ADAMTSL1: variants seen among roughly 807,000 people sequenced by gnomAD.
The protein encoded by ADAMTSL1 is ADAMTS-like protein 1.
ADAMTSL1 carries 126 observed loss-of-function variants against 201.8 expected under a neutral mutation model. The observed-to-expected ratio is 0.62, with a 90% CI of 0.54 to 0.72. ADAMTSL1 has a LOEUF of 0.72. ADAMTSL1 is among the 30% of genes least tolerant of loss of function. The pLI is 0.00. For missense variants in ADAMTSL1, 2,679 were observed against 2,277.8 expected, an observed-to-expected ratio of 1.18 and a Z score of -3.59; for synonymous variants, 1,121 against 903.4, an observed-to-expected ratio of 1.24 and a Z score of -4.32.
chr9:18,409,026 G>C (rs1818318653), intron 2 of ADAMTSL1, among the ~76,000 whole-genome samples: 1 of 152,154 alleles, frequency 6.6e-6, no homozygotes, highest in East Asian at 1.9e-4. Flanking sequence ...TAAGATCATG[G>C]AAATTAGAAC....
At chr9:18,075,331 G>C (rs1406799448) in intron 1 of ADAMTSL1, among the ~76,000 whole-genome samples, 1 of 152,204 alleles carries the variant, frequency 6.6e-6, no homozygotes, top group East Asian at 1.9e-4. Flanking sequence ...AAGTGAAGTA[G>C]AAGTGAGGTC....
intron 1 of ADAMTSL1, among the ~76,000 whole-genome samples, chr9:17,914,701 G>T (rs1256375240): frequency 1.3e-5 from 2 of 151,854 alleles, no homozygotes; most frequent in Non-Finnish European, 2.9e-5. Flanking sequence ...GAAATAAACG[G>T]TATTCAATTA....
intron 1 of ADAMTSL1, among the ~76,000 whole-genome samples, chr9:18,070,583 G>A (rs1170652014): frequency 6.6e-6 from 1 of 152,280 alleles, no homozygotes; most frequent in East Asian, 1.9e-4. Flanking sequence ...ATTTTAAGAA[G>A]GGAAAGATTT....
chr9:17,960,497 C>CCA (rs1817703408), intron 1 of ADAMTSL1, among the ~76,000 whole-genome samples: 1 of 152,178 alleles, frequency 6.6e-6, no homozygotes, highest in Non-Finnish European at 1.5e-5. Context: ...CAAACTCCAC[C>CCA]ATTGACTGTG....
At chr9:18,597,421 A>ATATGCT (rs1824341812) in intron 4 of ADAMTSL1, among the ~76,000 whole-genome samples, 1 of 152,180 alleles carries the variant, frequency 6.6e-6, no homozygotes, top group African/African-American at 2.4e-5. Context: ...TCTATTATTA[A>ATATGCT]TATGCTTATC....
At chr9:18,453,925 A>G (rs1394236606) in intron 2 of ADAMTSL1, among the ~76,000 whole-genome samples, 1 of 152,196 alleles carries the variant, frequency 6.6e-6, no homozygotes, top group Admixed American at 6.5e-5. Context: ...TCATTCTTAT[A>G]ATTATCTTCC....
At chr9:18,217,422 G>C (rs934194975) in intron 2 of ADAMTSL1, among the ~76,000 whole-genome samples, 43 of 151,960 alleles carry the variant, frequency 2.8e-4, no homozygotes, top group African/African-American at 1.0e-3. Context: ...CCCCTCCCCA[G>C]CTTTATTCCT....
chr9:17,930,805 A>G (rs1178946587), intron 1 of ADAMTSL1, among the ~76,000 whole-genome samples: 6 of 152,220 alleles, frequency 3.9e-5, no homozygotes, highest in Non-Finnish European at 5.9e-5. Context: ...CACTATGTGC[A>G]TCTTGACTGA....
chr9:18,136,235 G>C (rs903173358), intron 1 of ADAMTSL1, among the ~76,000 whole-genome samples: 1 of 152,158 alleles, frequency 6.6e-6, no homozygotes, highest in African/African-American at 2.4e-5. Flanking sequence ...AATACCTTTA[G>C]AGAGTCTAAT....
At chr9:18,175,086 G>T (rs569412809) in intron 2 of ADAMTSL1, among the ~76,000 whole-genome samples, 1 of 152,158 alleles carries the variant, frequency 6.6e-6, no homozygotes, top group South Asian at 2.1e-4. Flanking sequence ...TTGATATCAA[G>T]GTGCATTTAT....
intron 2 of ADAMTSL1, among the ~76,000 whole-genome samples, chr9:18,186,279 T>A (rs1213623233): frequency 1.3e-5 from 2 of 152,188 alleles, no homozygotes; most frequent in Non-Finnish European, 2.9e-5. Context: ...ACAACTACTA[T>A]TGAGTTCTTA....
intron 2 of ADAMTSL1, among the ~76,000 whole-genome samples, chr9:18,417,382 G>GAAAAAAAAAAAAAAAAAAAAAAA (rs750731863): frequency 1.8e-5 from 2 of 108,830 alleles, no homozygotes; most frequent in Non-Finnish European, 3.9e-5. Context: ...AAAAAAAAAA[G>GAAAAAAAAAAAAAAAAAAAAAAA]AAAAAAAAAA....
chr9:18,544,092 C>A (rs1430104596), intron 3 of ADAMTSL1, among the ~76,000 whole-genome samples: 1 of 152,178 alleles, frequency 6.6e-6, no homozygotes, highest in African/African-American at 2.4e-5. Flanking sequence ...AGCTCTTCAA[C>A]TTCTCGTAGC....
intron 19 of ADAMTSL1, among the ~76,000 whole-genome samples, chr9:18,779,442 T>C (rs1251088258): frequency 6.6e-6 from 1 of 152,198 alleles, no homozygotes; most frequent in Non-Finnish European, 1.5e-5. Flanking sequence ...CATTATCTTG[T>C]TTAATTTTCC....
At chr9:18,800,377 C>CAAAA (rs58346548) in intron 20 of ADAMTSL1, among the ~76,000 whole-genome samples, 1,817 of 60,624 alleles carry the variant, frequency 0.03, 224 homozygotes, top group African/African-American at 0.11. Context: ...AACTCCATCT[C>CAAAA]AAAAAAAAAA....
chr9:18,211,322 C>A (rs1340152943), intron 2 of ADAMTSL1, among the ~76,000 whole-genome samples: 1 of 152,132 alleles, frequency 6.6e-6, no homozygotes, highest in South Asian at 2.1e-4. Context: ...AATGGCCCCC[C>A]TCCATTTTTT....
intron 1 of ADAMTSL1, among the ~76,000 whole-genome samples, chr9:18,095,624 A>G (rs1402076547): frequency 6.6e-6 from 1 of 151,888 alleles, no homozygotes; most frequent in Non-Finnish European, 1.5e-5. Flanking sequence ...GGGTTTCGCC[A>G]TGTTGGCCAG....
At chr9:18,487,244 G>A (rs566490133) in intron 1 of ADAMTSL1, among the ~76,000 whole-genome samples, 2 of 152,198 alleles carry the variant, frequency 1.3e-5, no homozygotes, top group Admixed American at 6.5e-5. Context: ...TTGCTAAGGC[G>A]TCAGATTTTT....
At chr9:18,361,874 A>G (rs1480132925) in intron 2 of ADAMTSL1, among the ~76,000 whole-genome samples, 1 of 152,166 alleles carries the variant, frequency 6.6e-6, no homozygotes, top group African/African-American at 2.4e-5. Context: ...ATCACGCACA[A>G]TTATGTGCAA....
Sources: allele counts gnomAD v4.1 joint callset (sites outside exome capture counted in the v4.1 genomes callset), GRCh38; gene constraint gnomAD v4.1.1; transcripts MANE v1.5; gene names NCBI Gene and HGNC (gene_info 2026-07-23, HGNC 2026-07-21).